GABRB2: variants seen among roughly 807,000 people sequenced by gnomAD.
The protein encoded by GABRB2 is gamma-aminobutyric acid type A receptor subunit beta2, also known as gamma-aminobutyric acid receptor subunit beta-2.
GABRB2 carries 16 observed loss-of-function variants against 54.7 expected under a neutral mutation model. That is an observed-to-expected ratio of 0.29 (90% CI 0.20 to 0.44). The LOEUF (loss-of-function observed/expected upper bound fraction) is 0.44, where lower values mean the gene tolerates loss of function less well. Ranked by LOEUF, GABRB2 falls within the 20% of genes least tolerant of loss-of-function variation. The pLI, the probability that GABRB2 is intolerant of heterozygous loss-of-function variation, is 1.00. For synonymous variants in GABRB2, 244 were observed against 233.8 expected (o/e 1.04, Z -0.40); for missense variants, 355 against 644.0 (o/e 0.55, Z 4.86).
intron 4 of GABRB2, among the ~76,000 whole-genome samples, chr5:161,448,235 GA>G (rs1468531897): frequency 2.0e-5 from 3 of 152,144 alleles, no homozygotes; most frequent in Non-Finnish European, 4.4e-5. Context: ...CCAGCCTGGG[GA>G]ACATAGTGAG....
chr5:161,362,716 G>A (rs1754850223), intron 5 of GABRB2, among the ~76,000 whole-genome samples: 1 of 152,204 alleles, frequency 6.6e-6, no homozygotes, highest in African/African-American at 2.4e-5. Flanking sequence ...GGTAGGTGAA[G>A]GATATGAACA....
chr5:161,420,064 A>T (rs537505596), intron 4 of GABRB2, among the ~76,000 whole-genome samples: 1 of 152,130 alleles, frequency 6.6e-6, no homozygotes, highest in African/African-American at 2.4e-5. Context: ...AAAGTGATTA[A>T]TTTTTTTCTC....
intron 7 of GABRB2, among the ~76,000 whole-genome samples, chr5:161,332,532 GA>G (rs1356702084): frequency 1.3e-5 from 2 of 152,152 alleles, no homozygotes; most frequent in Non-Finnish European, 2.9e-5. Context: ...GCTGTAATCG[GA>G]AGGTAAATGC....
At chr5:161,515,172 T>G (rs1327740168) in intron 3 of GABRB2, among the ~76,000 whole-genome samples, 3 of 152,286 alleles carry the variant, frequency 2.0e-5, no homozygotes, top group East Asian at 3.9e-4. Flanking sequence ...GACATTATTT[T>G]TCATTAAAAT....
At chr5:161,298,317 A>G (rs948985446) in intron 9 of GABRB2, among the ~76,000 whole-genome samples, 1 of 152,070 alleles carries the variant, frequency 6.6e-6, no homozygotes, top group Non-Finnish European at 1.5e-5. Context: ...TTTTGTTGCC[A>G]TTACTTTTGG....
At chr5:161,364,220 A>G (rs1216311973) in intron 5 of GABRB2, among the ~76,000 whole-genome samples, 1 of 152,208 alleles carries the variant, frequency 6.6e-6, no homozygotes, top group Non-Finnish European at 1.5e-5. Context: ...AAATCTATAT[A>G]GGACAATATA....
At chr5:161,336,420 A>T (rs1753995023) in intron 6 of GABRB2, among the ~76,000 whole-genome samples, 4 of 152,142 alleles carry the variant, frequency 2.6e-5, no homozygotes, top group African/African-American at 9.7e-5. Flanking sequence ...ATACACAGAG[A>T]TGATCCTCTC....
At chr5:161,523,779 C>T (rs1447282530) in intron 3 of GABRB2, among the ~76,000 whole-genome samples, 1 of 150,700 alleles carries the variant, frequency 6.6e-6, no homozygotes, top group Non-Finnish European at 1.5e-5. Flanking sequence ...CATTGCTACA[C>T]AGGATCTTAT....
chr5:161,422,412 G>A (rs1315907833), intron 4 of GABRB2, among the ~76,000 whole-genome samples: 1 of 151,988 alleles, frequency 6.6e-6, no homozygotes, highest in Non-Finnish European at 1.5e-5. Context: ...CCAGTCACAT[G>A]ATATAATAAA....
At chr5:161,542,268 G>T (rs1244203258) in intron 3 of GABRB2, among the ~76,000 whole-genome samples, 1 of 152,036 alleles carries the variant, frequency 6.6e-6, no homozygotes, top group Non-Finnish European at 1.5e-5. Flanking sequence ...ACCAAAATGT[G>T]ACACAGAGAC....
chr5:161,432,700 G>C (rs145833591), intron 4 of GABRB2, among the ~76,000 whole-genome samples: 3 of 152,130 alleles, frequency 2.0e-5, no homozygotes, highest in Middle Eastern at 3.4e-3. Flanking sequence ...TGAGTGTAGG[G>C]CCCAGAATTG....
intron 3 of GABRB2, among the ~76,000 whole-genome samples, chr5:161,536,625 C>T (rs1760644519): frequency 6.6e-6 from 1 of 152,178 alleles, no homozygotes; most frequent in African/African-American, 2.4e-5. Context: ...ATATATGACT[C>T]TCACTCTGTC....
At chr5:161,404,397 A>T (rs2113092328) in intron 5 of GABRB2, among the ~76,000 whole-genome samples, 1 of 152,196 alleles carries the variant, frequency 6.6e-6, no homozygotes, top group Non-Finnish European at 1.5e-5. Context: ...GTAGTTTTAC[A>T]GCAGTATTTT....
intron 4 of GABRB2, among the ~76,000 whole-genome samples, chr5:161,442,870 A>G (rs1429135313): frequency 6.6e-6 from 1 of 152,036 alleles, no homozygotes; most frequent in Non-Finnish European, 1.5e-5. Flanking sequence ...AGTGTCCCCA[A>G]ATCTCTCTTG....
intron 9 of GABRB2, among the ~76,000 whole-genome samples, chr5:161,298,871 T>A (rs546852114): frequency 6.6e-6 from 1 of 152,312 alleles, no homozygotes; most frequent in East Asian, 1.9e-4. Flanking sequence ...ATCTCATGTG[T>A]GGAAAATAAG....
At chr5:161,508,417 G>A (rs1041960763) in intron 3 of GABRB2, among the ~76,000 whole-genome samples, 1 of 150,658 alleles carries the variant, frequency 6.6e-6, no homozygotes, top group Non-Finnish European at 1.5e-5. Context: ...TTAGAGATGA[G>A]GCTTGAGAGG....
intron 5 of GABRB2, among the ~76,000 whole-genome samples, chr5:161,344,508 T>C (rs563581047): frequency 9.2e-5 from 14 of 152,142 alleles, no homozygotes; most frequent in Admixed American, 7.2e-4. Flanking sequence ...ATGCTGGTAC[T>C]ATTTGTTTTT....
intron 3 of GABRB2, among the ~76,000 whole-genome samples, chr5:161,505,877 G>C (rs1759590543): frequency 6.6e-6 from 1 of 152,076 alleles, no homozygotes. Flanking sequence ...TTCAGCACTA[G>C]AAATCAAGCT....
intron 5 of GABRB2, among the ~76,000 whole-genome samples, chr5:161,340,957 T>G (rs1754138592): frequency 6.6e-6 from 1 of 152,044 alleles, no homozygotes; most frequent in South Asian, 2.1e-4. Flanking sequence ...ACACTGTATT[T>G]ACTTCTGGCT....
Sources: allele counts gnomAD v4.1 joint callset (sites outside exome capture counted in the v4.1 genomes callset), GRCh38; gene constraint gnomAD v4.1.1; transcripts MANE v1.5; gene names NCBI Gene and HGNC (gene_info 2026-07-23, HGNC 2026-07-21).